Variants in SIRT3 observed in about 807,000 individuals in gnomAD.
SIRT3 encodes the protein sirtuin 3.
SIRT3 carries 26 observed loss-of-function variants against 33.5 expected under a neutral mutation model. That is an observed-to-expected ratio of 0.78 (90% CI 0.57 to 1.08). The LOEUF (loss-of-function observed/expected upper bound fraction) is 1.08, where lower values mean the gene tolerates loss of function less well. Ranked by LOEUF, SIRT3 falls within the 50% of genes least tolerant of loss-of-function variation. The probability of loss-of-function intolerance (pLI) is 0.00; values close to 1 mark genes in which losing one functional copy is unlikely to be tolerated. For synonymous variants in SIRT3, 237 were observed against 222.1 expected (o/e 1.07, Z -0.60); for missense variants, 585 against 530.1 (o/e 1.10, Z -1.02).
rs893044979 is a variant in SIRT3, at chr11:223,426, C to A, written c.969+652G>T. On this transcript the variant is annotated intron_variant, in intron 5 of 6. Transcript: ENST00000382743. This position sits in a 1 kb window ranked among gnomAD's most constrained non-coding sequence, Gnocchi z 4.8. ...CTCCTCGCCATCCCTCAGGCGACCA[C>A]AGCTCCACCTTCTCCAGGACCAGCC... is the stretch of plus-strand genomic sequence containing the variant. 1.2e-5 allele frequency: 3 copies of A among 249,162 alleles called. No homozygotes were observed. Among genetic ancestry groups the A allele is most frequent in the Non-Finnish European group, 1.6e-5 (2 of 123,790 alleles). 15.4% of individuals were successfully genotyped at this position (249,162 alleles called of 1,614,324 possible).
At chr11:218,784 G>C (rs1856002185) in intron 6 of SIRT3, 48 bp downstream of exon 6, 1 of 1,613,722 alleles carries the variant, frequency 6.2e-7, no homozygotes, top group Non-Finnish European at 8.5e-7. Context: ...ATACCCTAGA[G>C]CAGTGAGAAG....
intron 3 of SIRT3, among the ~76,000 whole-genome samples, chr11:232,228 C>T (rs1858145634): frequency 6.6e-6 from 1 of 152,130 alleles, no homozygotes; most frequent in Non-Finnish European, 1.5e-5. Context: ...AGAGATTCTC[C>T]TGTCTCAGCC....
intron 4 of SIRT3, chr11:226,177 G>A (rs1201300479): frequency 7.9e-5 from 12 of 152,170 alleles, no homozygotes; most frequent in East Asian, 5.8e-4. Flanking sequence ...TCTGTATCTG[G>A]GAAGATAAAC....
intron 3 of SIRT3, among the ~76,000 whole-genome samples, chr11:230,862 A>G (rs10902109): frequency 0.79 from 120,322 of 152,216 alleles, 47,876 homozygotes; most frequent in African/African-American, 0.88. Flanking sequence ...AGTGGCCCAC[A>G]CCTGTAATCC....
At chr11:219,162 T>C (rs1334899372) in intron 5 of SIRT3, 121 bp from the exon 6 acceptor site, 2 of 1,260,458 alleles carry the variant, frequency 1.6e-6, no homozygotes, top group Admixed American at 2.5e-5. Context: ...GCCTGCGATA[T>C]AGGGAAAACC....
Position 236,239 on chromosome 11 carries a change from C to T in SIRT3, c.90G>A (p.Pro30=), listed in dbSNP as rs1859084558. 1 of 1,553,696 alleles carries T rather than the reference C, an allele frequency of 6.4e-7. No individual in the cohort carries two copies. The highest frequency in any genetic ancestry group is 8.7e-7 in the Non-Finnish European group (1 of 1,153,372). The change falls in exon 1 of 7, where the codon CCG becomes CCA. Residue 30 remains proline (P), a synonymous_variant. Transcript: ENST00000382743. Reference sequence around the variant, plus strand: ...CCAGCCGACAGCCGCAGGCCTGAAACGGCCCCACGCCTCCCCCGGCCTCGA... The same window carrying T: ...CCAGCCGACAGCCGCAGGCCTGAAATGGCCCCACGCCTCCCCCGGCCTCGA... ...ERVEAGGGVG[P]FQACGCRLVL... is the part of the protein sequence containing the mutation.
chr11:234,962 C>T (rs1564816008), intron 1 of SIRT3, among the ~76,000 whole-genome samples: 1 of 151,782 alleles, frequency 6.6e-6, no homozygotes, highest in Non-Finnish European at 1.5e-5. Context: ...ACTGCAACCT[C>T]TGCCTTCCGG....
upstream of SIRT3, chr11:236,382 C>G (rs1312662970): frequency 9.2e-7 from 1 of 1,084,062 alleles, no homozygotes; most frequent in Non-Finnish European, 1.1e-6. Flanking sequence ...GGCGCCCCGG[C>G]CCCGCCTCCG....
chr11:220,426 C>CTAATT (rs1856298193), intron 5 of SIRT3, among the ~76,000 whole-genome samples: 1 of 150,590 alleles, frequency 6.6e-6, no homozygotes, highest in Admixed American at 6.6e-5. Context: ...ATTTATATTG[C>CTAATT]TAATTTATAA....
intron 4 of SIRT3, among the ~76,000 whole-genome samples, chr11:226,699 C>A (rs1456703494): frequency 6.6e-6 from 1 of 150,536 alleles, no homozygotes; most frequent in African/African-American, 2.4e-5. Flanking sequence ...GGAGCCACCG[C>A]GCCCAGCCTA....
At chr11:234,682 T>C (rs1858675164) in intron 1 of SIRT3, among the ~76,000 whole-genome samples, 1 of 152,180 alleles carries the variant, frequency 6.6e-6, no homozygotes, top group African/African-American at 2.4e-5. Flanking sequence ...TCCAAAGTGC[T>C]GGAATTACAG....
chr11:231,051 G>C (rs1049136973), intron 3 of SIRT3, among the ~76,000 whole-genome samples: 1 of 151,962 alleles, frequency 6.6e-6, no homozygotes, highest in Non-Finnish European at 1.5e-5. Flanking sequence ...CTTGAACCCG[G>C]GAGGTGGAAG....
chr11:235,959 T>C (rs1858993528), intron 1 of SIRT3, 89 bp downstream of exon 1: 1 of 1,370,258 alleles, frequency 7.3e-7, no homozygotes, highest in African/African-American at 1.5e-5. Flanking sequence ...CTCCCAGACA[T>C]GCCGCAAAGG....
At chr11:233,677 CCTTT>C in intron 1 of SIRT3, 143 bp from the exon 2 acceptor site, 1 of 734,958 alleles carries the variant, frequency 1.4e-6, no homozygotes, top group Non-Finnish European at 2.2e-6. Flanking sequence ...AAAATAATCA[CCTTT>C]CTTAGACGAC....
Position 223,438 on chromosome 11 carries a change from C to T in SIRT3, c.969+640G>A. 1 of 264,060 alleles carries T rather than the reference C, an allele frequency of 3.8e-6. No individual in the cohort carries two copies. The highest frequency in any genetic ancestry group is 7.6e-6 in the Non-Finnish European group (1 of 131,780). 16.4% of individuals were successfully genotyped at this position (264,060 alleles called of 1,614,324 possible). A position where few individuals can be genotyped will look rare whatever the true frequency, so the allele number is the denominator to read the frequency against. On this transcript the variant is annotated intron_variant, in intron 5 of 6. Coordinates refer to ENST00000382743, the MANE Select transcript of SIRT3 (RefSeq NM_012239.6). This position sits in a 1 kb window ranked among gnomAD's most constrained non-coding sequence, Gnocchi z 4.8. ...CCTCAGGCGACCACAGCTCCACCTT[C>T]TCCAGGACCAGCCTCCTGGCACTGC...
Position 236,220 on chromosome 11 carries a change from G to A in SIRT3, c.109C>T (p.Arg37Trp). Reference protein sequence around the residue: ...GVGPFQACGCRLVLGGRDDVS... With the variant: ...GVGPFQACGCWLVLGGRDDVS... ...TCGTCCCTGCCGCCAAGCACCAGCC[G>A]ACAGCCGCAGGCCTGAAACGGCCCC... The change falls in exon 1 of 7, where the codon CGG becomes TGG. Residue 37 changes from arginine (R) to tryptophan (W), a missense_variant. Transcript: ENST00000382743. 6.4e-7 allele frequency: 1 copy of A among 1,558,556 alleles called. No homozygotes were observed. Among genetic ancestry groups the A allele is most frequent in the Non-Finnish European group, 8.7e-7 (1 of 1,155,580 alleles).
intron 4 of SIRT3, among the ~76,000 whole-genome samples, chr11:225,097 C>A (rs1590152096): frequency 2.0e-5 from 3 of 147,670 alleles, no homozygotes; most frequent in African/African-American, 2.5e-5. Flanking sequence ...ATTAAGGAAG[C>A]AAAAAAAAAA....
In SIRT3 at chr11:218,872, G is replaced by C. The variant is rs200928165; in HGVS notation, c.1139C>G (p.Thr380Arg). 1.9e-6 allele frequency: 3 copies of C among 1,614,028 alleles called. No homozygotes were observed. Among genetic ancestry groups the C allele is most frequent in the Admixed American group, 3.3e-5 (2 of 60,000 alleles). The part of the protein sequence containing the change: ...VESLVELLGW[T>R]EEMRDLVQRE... ...CTGCACAAGGTCCCGCATCTCTTCT[G>C]TCCAGCCCAGAAGCTCCACTAGGCT... Residue 380 changes from threonine (T) to arginine (R), a missense_variant, in exon 6 of 7, where the codon ACA becomes AGA. Coordinates refer to ENST00000382743, the MANE Select transcript of SIRT3 (RefSeq NM_012239.6).
At chr11:226,053 A>C (rs1267030489) in intron 4 of SIRT3, 1 of 151,856 alleles carries the variant, frequency 6.6e-6, no homozygotes, top group African/African-American at 2.4e-5. Context: ...GTGAGACTTC[A>C]GTAAGTGCCC....
Sources: allele counts gnomAD v4.1 joint callset (sites outside exome capture counted in the v4.1 genomes callset), GRCh38; gene constraint gnomAD v4.1.1; non-coding constraint Gnocchi (gnomAD v3.1); transcripts MANE v1.5; gene names NCBI Gene and HGNC (gene_info 2026-07-23, HGNC 2026-07-21).